The following SDCBP variants were observed in gnomAD, a reference collection of about 807,000 sequenced individuals.
SDCBP encodes syndecan binding protein.
SDCBP carries 22 observed loss-of-function variants against 30.5 expected under a neutral mutation model. The ratio of observed to expected loss-of-function variants is 0.72; its 90% CI spans 0.52 to 1.03. The LOEUF is 1.03. Among genes scored for constraint, SDCBP ranks in the 50% least tolerant of loss-of-function variants. The pLI is 0.00. For missense variants in SDCBP, 304 were observed against 369.9 expected (o/e 0.82, Z 1.46); for synonymous variants, 103 against 118.7 (o/e 0.87, Z 0.86).
intron 2 of SDCBP, among the ~76,000 whole-genome samples, chr8:58,569,105 G>A (rs1395453113): frequency 6.6e-6 from 1 of 152,006 alleles, no homozygotes; most frequent in Non-Finnish European, 1.5e-5. Flanking sequence ...GCAGTGGTGC[G>A]ATCTTGGCTC....
chr8:58,561,633 G>A (rs2129607459), intron 1 of SDCBP: 1 of 487,068 alleles, frequency 2.1e-6, no homozygotes, highest in East Asian at 3.2e-5. Context: ...AAGTAAAAGA[G>A]AAATAAGATT....
At chr8:58,569,655 T>TC (rs1180308306) in intron 2 of SDCBP, among the ~76,000 whole-genome samples, 1 of 152,126 alleles carries the variant, frequency 6.6e-6, no homozygotes, top group Non-Finnish European at 1.5e-5. Flanking sequence ...CTTTTTTTTT[T>TC]CCCAGTGCCG....
chr8:58,557,161 TATA>T (rs1445542468), intron 1 of SDCBP, among the ~76,000 whole-genome samples: 1 of 106,742 alleles, frequency 9.4e-6, no homozygotes, highest in Non-Finnish European at 1.7e-5. Flanking sequence ...AATATATAAT[TATA>T]ATGTATATTA....
At chr8:58,577,885 C>T (rs924070495) in intron 5 of SDCBP, 148 bp from the exon 6 acceptor site, 7 of 605,228 alleles carry the variant, frequency 1.2e-5, no homozygotes, top group Non-Finnish European at 2.0e-5. Flanking sequence ...ACTTAATATA[C>T]TCATATAGTT....
intron 1 of SDCBP, among the ~76,000 whole-genome samples, chr8:58,557,041 GAT>G (rs1368998556): frequency 7.7e-6 from 1 of 129,354 alleles, no homozygotes; most frequent in Non-Finnish European, 1.6e-5. Flanking sequence ...AAGTATATAA[GAT>G]ATACTTATTA....
At chr8:58,561,821 T>C (rs1296541807) in intron 1 of SDCBP, 3 of 680,210 alleles carry the variant, frequency 4.4e-6, no homozygotes, top group South Asian at 1.6e-5. Flanking sequence ...ATTTCTGATA[T>C]ATAAGTCTAA....
In SDCBP at chr8:58,582,100, C is replaced by T; in HGVS notation, c.*360C>T. On this transcript the variant is annotated 3_prime_UTR_variant, in exon 9 of 9. Coordinates refer to ENST00000260130, the MANE Select transcript of SDCBP (RefSeq NM_005625.4). ...CCTTTCTCCTAGGTAATGAGTAGTG[C>T]TGTTCATATTACTTTAGTTCTATAG... 4.7e-6 allele frequency: 1 copy of T among 214,206 alleles called. No individual in the cohort carries two copies. Among genetic ancestry groups the T allele is most frequent in the Non-Finnish European group, 9.4e-6 (1 of 106,760 alleles). 13.3% of individuals were successfully genotyped at this position (214,206 alleles called of 1,614,324 possible).
At chr8:58,555,861 C>A (rs1251474325) in intron 1 of SDCBP, among the ~76,000 whole-genome samples, 1 of 151,846 alleles carries the variant, frequency 6.6e-6, no homozygotes, top group African/African-American at 2.4e-5. Flanking sequence ...CAGGCATGAG[C>A]CATACGGTTC....
chr8:58,573,518 G>A (rs1805152932), intron 4 of SDCBP, among the ~76,000 whole-genome samples: 1 of 152,180 alleles, frequency 6.6e-6, no homozygotes, highest in African/African-American at 2.4e-5. Flanking sequence ...CTAGAAGCTT[G>A]AGGAAGAGCC....
chr8:58,558,964 T>C (rs979032193), intron 1 of SDCBP, among the ~76,000 whole-genome samples: 6 of 152,194 alleles, frequency 3.9e-5, no homozygotes, highest in African/African-American at 1.4e-4. Flanking sequence ...GAAAGTAAAA[T>C]TGAGGAATGC....
intron 7 of SDCBP, 64 bp from the exon 8 acceptor site, chr8:58,580,453 C>A: frequency 1.2e-6 from 1 of 805,210 alleles, no homozygotes; most frequent in East Asian, 2.5e-5. Context: ...CCAAGACTGG[C>A]ATAGTTTTGT....
chr8:58,576,921 C>T (rs1038536827), intron 5 of SDCBP, among the ~76,000 whole-genome samples: 2 of 152,174 alleles, frequency 1.3e-5, no homozygotes, highest in Non-Finnish European at 2.9e-5. Flanking sequence ...GCCTGCCCAC[C>T]CAGGGGGCTG....
Position 58,565,057 on chromosome 8 carries a change from A to G in SDCBP, c.24A>G (p.Glu8=). The G allele has an allele frequency of 1.3e-6, 2 of 1,593,128 alleles. No individual in the cohort carries two copies. The highest frequency in any genetic ancestry group is 1.4e-5 in the African/African-American group (1 of 74,048). The change falls in exon 2 of 9, where the codon GAA becomes GAG. Residue 8 remains glutamate, a synonymous_variant. Coordinates refer to ENST00000260130, the MANE Select transcript of SDCBP (RefSeq NM_005625.4). Reference sequence around the variant, plus strand: ...AAATGTCTCTCTATCCATCTCTCGAAGACTTGAAGGTAGACAAAGTAATTC... The same window carrying G: ...AAATGTCTCTCTATCCATCTCTCGAGGACTTGAAGGTAGACAAAGTAATTC... MSLYPSL[E]DLKVDKVIQA...
intron 1 of SDCBP, among the ~76,000 whole-genome samples, chr8:58,554,573 T>C (rs900293426): frequency 2.0e-5 from 3 of 152,310 alleles, no homozygotes; most frequent in East Asian, 1.9e-4. Flanking sequence ...CATTAACTTT[T>C]AGTTTTGGGC....
chr8:58,563,940 T>A (rs1156799069), intron 1 of SDCBP, among the ~76,000 whole-genome samples: 1 of 152,188 alleles, frequency 6.6e-6, no homozygotes, highest in Non-Finnish European at 1.5e-5. Context: ...CTCAGGGAGA[T>A]TCCTTGGTGG....
chr8:58,553,529 G>T (rs1803925403), intron 1 of SDCBP, among the ~76,000 whole-genome samples: 2 of 152,076 alleles, frequency 1.3e-5, no homozygotes, highest in Non-Finnish European at 2.9e-5. Context: ...TTCCTGCCGC[G>T]ACCCCGCGCG....
chr8:58,566,863 A>C (rs1804729413), intron 2 of SDCBP, among the ~76,000 whole-genome samples: 1 of 152,228 alleles, frequency 6.6e-6, no homozygotes, highest in Non-Finnish European at 1.5e-5. Flanking sequence ...ACTATTCTGC[A>C]GTAGCCACTA....
chr8:58,556,899 C>T (rs7000735), intron 1 of SDCBP, among the ~76,000 whole-genome samples: 3,520 of 135,694 alleles, frequency 0.026, 142 homozygotes, highest in African/African-American at 0.089. Flanking sequence ...ACGTATAATA[C>T]GTATTATAAT....
At chr8:58,553,489 G>A (rs559499369) in intron 1 of SDCBP, among the ~76,000 whole-genome samples, 186 bp downstream of exon 1, 48 of 152,158 alleles carry the variant, frequency 3.2e-4, no homozygotes, top group Admixed American at 1.9e-3. Flanking sequence ...CTGCTGGCTG[G>A]GGGGGCAAGT....
Sources: allele counts gnomAD v4.1 joint callset (sites outside exome capture counted in the v4.1 genomes callset), GRCh38; gene constraint gnomAD v4.1.1; transcripts MANE v1.5; gene names NCBI Gene and HGNC (gene_info 2026-07-23, HGNC 2026-07-21).